ITPR1: variants seen among roughly 807,000 people sequenced by gnomAD.
ITPR1 encodes the protein inositol 1,4,5-trisphosphate-gated calcium channel ITPR1.
In ITPR1, 96 loss-of-function variants were observed where a neutral mutation model predicts 318.4. The ratio of observed to expected loss-of-function variants is 0.30; its 90% CI spans 0.26 to 0.36. ITPR1 has a LOEUF of 0.36. Ranked by LOEUF, ITPR1 falls within the 10% of genes least tolerant of loss-of-function variation. ITPR1 has a pLI of 1.00. For synonymous variants in ITPR1, 1,312 were observed against 1,289.9 expected (o/e 1.02, Z -0.37); for missense variants, 2,440 against 3,460.2 (o/e 0.71, Z 7.40).
chr3:4,763,220 G>A (rs2045574669), intron 44 of ITPR1, among the ~76,000 whole-genome samples: 1 of 152,152 alleles, frequency 6.6e-6, no homozygotes. Flanking sequence ...GGAGTTGGGG[G>A]AGAGCATTAG....
At chr3:4,648,676 G>A (rs754341650) in intron 10 of ITPR1, among the ~76,000 whole-genome samples, 1 of 152,144 alleles carries the variant, frequency 6.6e-6, no homozygotes, top group Non-Finnish European at 1.5e-5. Flanking sequence ...CAGGCATGAT[G>A]GCACATGTCT....
intron 44 of ITPR1, chr3:4,749,162 T>C (rs917787925): frequency 1.3e-5 from 2 of 152,230 alleles, no homozygotes; most frequent in Non-Finnish European, 2.9e-5. Flanking sequence ...TGATTCTTTA[T>C]CTTCTCAAAG....
chr3:4,502,229 C>T (rs951333066), intron 2 of ITPR1, among the ~76,000 whole-genome samples: 6 of 152,172 alleles, frequency 3.9e-5, no homozygotes, highest in Admixed American at 1.3e-4. Context: ...CCAGCCCAAA[C>T]GCTTCCTCCT....
chr3:4,506,001 T>G (rs1310286686), intron 2 of ITPR1, among the ~76,000 whole-genome samples: 1 of 152,208 alleles, frequency 6.6e-6, no homozygotes, highest in Non-Finnish European at 1.5e-5. Context: ...GAAAGTAGAA[T>G]TATAACAGCC....
intron 42 of ITPR1, among the ~76,000 whole-genome samples, chr3:4,728,377 T>C (rs2042672763): frequency 1.3e-5 from 2 of 152,218 alleles, no homozygotes; most frequent in South Asian, 4.1e-4. Context: ...TCTAAGGTCA[T>C]GGAGTTCAAA....
rs762564268 is a variant in ITPR1 at position 4,782,756 on chromosome 3, G to A, written c.6510+15G>A. ...TAGCCCATCAGGTATGATCTCTCCT[G>A]TGCCTCCTCTGGATGCTGCCTCCCT... On this transcript the variant is annotated intron_variant, in intron 50 of 61. Coordinates refer to ENST00000649015, the MANE Select transcript of ITPR1 (RefSeq NM_001378452.1). The A allele has an allele frequency of 2.7e-6, 4 of 1,467,138 alleles. No homozygotes were observed. The highest frequency in any genetic ancestry group is 1.9e-4 in the Middle Eastern group (1 of 5,226). The allele number at this position is 1,467,138 out of a possible 1,614,324, so 90.9% of individuals were successfully genotyped here.
chr3:4,785,266 C>T (rs1258224853), intron 51 of ITPR1, among the ~76,000 whole-genome samples: 1 of 152,178 alleles, frequency 6.6e-6, no homozygotes, highest in Non-Finnish European at 1.5e-5. Context: ...TGTCTGGTCC[C>T]TGAGCCTGTG....
chr3:4,519,427 A>G (rs2082393619), intron 3 of ITPR1, among the ~76,000 whole-genome samples: 1 of 152,096 alleles, frequency 6.6e-6, no homozygotes, highest in Admixed American at 6.6e-5. Context: ...GGATTTTGCC[A>G]TGTTGGCCAG....
chr3:4,620,654 G>A (rs75603900), intron 4 of ITPR1, among the ~76,000 whole-genome samples: 1 of 144,774 alleles, frequency 6.9e-6, no homozygotes, highest in African/African-American at 2.6e-5. Context: ...ATGGAGTTGG[G>A]TTTTTTCTTC....
chr3:4,796,364 A>G (rs1021566151), intron 53 of ITPR1, among the ~76,000 whole-genome samples: 1 of 152,030 alleles, frequency 6.6e-6, no homozygotes, highest in Non-Finnish European at 1.5e-5. Flanking sequence ...AGATTTGACT[A>G]GAACCCAGAG....
intron 4 of ITPR1, among the ~76,000 whole-genome samples, chr3:4,569,910 C>T (rs1439822792): frequency 6.6e-6 from 1 of 152,092 alleles, no homozygotes; most frequent in Non-Finnish European, 1.5e-5. Flanking sequence ...CAATTATATT[C>T]AGGTTTCAAG....
At chr3:4,618,270 C>G (rs2092463926) in intron 4 of ITPR1, among the ~76,000 whole-genome samples, 1 of 152,278 alleles carries the variant, frequency 6.6e-6, no homozygotes, top group East Asian at 1.9e-4. Flanking sequence ...ACACCTCACG[C>G]CTTCTCACTT....
chr3:4,612,862 G>C (rs2092218962), intron 4 of ITPR1, among the ~76,000 whole-genome samples: 1 of 152,204 alleles, frequency 6.6e-6, no homozygotes, highest in Non-Finnish European at 1.5e-5. Flanking sequence ...ACTCCAGCCT[G>C]GGTGACAGAG....
chr3:4,797,583 G>A (rs2047978899), intron 53 of ITPR1, among the ~76,000 whole-genome samples: 1 of 152,200 alleles, frequency 6.6e-6, no homozygotes, highest in Non-Finnish European at 1.5e-5. Flanking sequence ...TCTTTCAAAA[G>A]CGTGCAACTC....
intron 52 of ITPR1, among the ~76,000 whole-genome samples, chr3:4,789,127 C>T (rs953567520): frequency 6.6e-6 from 1 of 152,194 alleles, no homozygotes; most frequent in African/African-American, 2.4e-5. Flanking sequence ...ACTTCCAGCC[C>T]CGCTGTACTC....
intron 37 of ITPR1, 54 bp downstream of exon 37, chr3:4,706,405 A>G: frequency 6.7e-7 from 1 of 1,495,438 alleles, no homozygotes; most frequent in Admixed American, 1.8e-5. Context: ...CGTGATTGCC[A>G]CACACAGCAG....
intron 4 of ITPR1, among the ~76,000 whole-genome samples, chr3:4,559,017 A>G (rs2125013290): frequency 6.6e-6 from 1 of 152,196 alleles, no homozygotes; most frequent in East Asian, 1.9e-4. Context: ...ATACTTTTTA[A>G]TTTTATTAGT....
chr3:4,610,227 T>C (rs78425448), intron 4 of ITPR1, among the ~76,000 whole-genome samples: 6,870 of 152,224 alleles, frequency 0.045, 515 homozygotes, highest in African/African-American at 0.16. Flanking sequence ...CATCTCTACC[T>C]GGGCTGGGTT....
chr3:4,521,628 T>C (rs1011786129), intron 4 of ITPR1, among the ~76,000 whole-genome samples: 4 of 152,048 alleles, frequency 2.6e-5, no homozygotes, highest in Admixed American at 6.5e-5. Flanking sequence ...GGTGTGGAGA[T>C]TGCTAGAGCC....
Sources: gnomAD v4.1 joint callset for allele counts (sites outside exome capture counted in the v4.1 genomes callset) on GRCh38, gnomAD v4.1.1 for gene constraint, MANE v1.5 for transcripts, NCBI Gene and HGNC (gene_info 2026-07-23, HGNC 2026-07-21) for gene names.